Variants in NWD1 observed in about 807,000 individuals in gnomAD.
The protein encoded by NWD1 is NACHT and WD repeat domain containing 1.
A neutral mutation model predicts 135.1 loss-of-function variants in NWD1; 129 were observed. The observed-to-expected ratio is 0.96, with a 90% CI of 0.83 to 1.11. The LOEUF (loss-of-function observed/expected upper bound fraction) is 1.11, where lower values mean the gene tolerates loss of function less well. Ranked by LOEUF, NWD1 falls within the 50% of genes least tolerant of loss-of-function variation. NWD1 has a pLI of 0.00. For missense variants in NWD1, 1,740 were observed against 1,851.3 expected, an observed-to-expected ratio of 0.94 and a Z score of 1.10; for synonymous variants, 773 against 786.0, an observed-to-expected ratio of 0.98 and a Z score of 0.28.
intron 12 of NWD1, among the ~76,000 whole-genome samples, chr19:16,787,056 T>C (rs1207076402): frequency 1.3e-5 from 2 of 152,220 alleles, no homozygotes. Flanking sequence ...ATAATCCAGT[T>C]GGTCAGTTTT....
chr19:16,802,140 C>G (rs1277279869), intron 17 of NWD1, among the ~76,000 whole-genome samples: 1 of 151,686 alleles, frequency 6.6e-6, no homozygotes, highest in South Asian at 2.1e-4. Context: ...AAAAATTAGC[C>G]GGACGTGGTG....
chr19:16,764,265 C>A (rs1441129936), intron 9 of NWD1, among the ~76,000 whole-genome samples: 1 of 152,238 alleles, frequency 6.6e-6, no homozygotes, highest in Admixed American at 6.5e-5. Context: ...AGAGTGAAAA[C>A]CCCTGCCTTA....
intron 13 of NWD1, among the ~76,000 whole-genome samples, chr19:16,789,467 A>G (rs1970168346): frequency 6.6e-6 from 1 of 152,172 alleles, no homozygotes; most frequent in Non-Finnish European, 1.5e-5. Context: ...GTACTGCTTT[A>G]CCTACATCCT....
rs1568403709 is a variant in NWD1 at position 16,815,619 on chromosome 19, C to G, written c.*580C>G. The G allele has an allele frequency of 2.8e-6, 1 of 357,952 alleles. No individual in the cohort carries two copies. The highest frequency in any genetic ancestry group is 5.1e-6 in the Non-Finnish European group (1 of 195,446). 22.2% of individuals were successfully genotyped at this position (357,952 alleles called of 1,614,324 possible). A position where few individuals can be genotyped will look rare whatever the true frequency, so the allele number is the denominator to read the frequency against. On this transcript the variant is annotated 3_prime_UTR_variant, in exon 19 of 19. Transcript: ENST00000524140. Reference sequence around the variant, plus strand: ...TTTCCCAACAGTCCTAGCCTCAACTCTACTGGTCCCAATTGGCCCATACGC... The same window carrying G: ...TTTCCCAACAGTCCTAGCCTCAACTGTACTGGTCCCAATTGGCCCATACGC...
At chr19:16,723,772 T>G (rs1317747534) in intron 1 of NWD1, among the ~76,000 whole-genome samples, 1 of 152,170 alleles carries the variant, frequency 6.6e-6, no homozygotes, top group Non-Finnish European at 1.5e-5. Flanking sequence ...CTCAGCTCAC[T>G]GCAACCTCTA....
In NWD1 at chr19:16,808,194, T is replaced by C. The variant is rs1202457924; in HGVS notation, c.4287+58T>C. The C allele has an allele frequency of 9.4e-6, 14 of 1,486,704 alleles. No homozygotes were observed. The Admixed American group carries it at 1.5e-4, about 16-fold the overall frequency. The allele number at this position is 1,486,704 out of a possible 1,614,324, so 92.1% of individuals were successfully genotyped here. ...ACCCAGGCATTGGAAAACTGATAGA[T>C]AGCCATCATTTACTAAGCACACACC... On this transcript the variant is annotated intron_variant, in intron 18 of 18. Transcript: ENST00000524140.
In NWD1 at chr19:16,791,593, A is replaced by G. The variant is rs374823996; in HGVS notation, c.3184A>G (p.Thr1062Ala). Reference sequence around the variant, plus strand: ...AGTCCAGAAGCAAGGAAAGCTTGTTACCGGGTTTAGCAATGGCTCCATCTC... The same window carrying G: ...AGTCCAGAAGCAAGGAAAGCTTGTTGCCGGGTTTAGCAATGGCTCCATCTC... ...VSVQKQGKLVTGFSNGSISLV... is the reference protein window; with the variant it reads ...VSVQKQGKLVAGFSNGSISLV... The change falls in exon 14 of 19, where the codon ACC (threonine) becomes GCC (alanine). Residue 1062 changes from threonine (T) to alanine (A), a missense_variant. Transcript: ENST00000524140. 6.6e-5 allele frequency: 107 copies of G among 1,614,194 alleles called. No homozygotes were observed. In the African/African-American group the frequency reaches 1.3e-3, roughly 20 times the overall value.
chr19:16,739,483 G>A (rs1329498137), intron 4 of NWD1, among the ~76,000 whole-genome samples: 1 of 152,080 alleles, frequency 6.6e-6, no homozygotes, highest in Non-Finnish European at 1.5e-5. Context: ...AGAACCTAGG[G>A]GTGATCTCTG....
In NWD1 at chr19:16,762,079, G is replaced by A. The variant is rs773573154; in HGVS notation, c.2074G>A (p.Gly692Ser). 6.2e-7 allele frequency: 1 copy of A among 1,614,028 alleles called. No individual in the cohort carries two copies. Among genetic ancestry groups the A allele is most frequent in the South Asian group, 1.1e-5 (1 of 91,078 alleles). Residue 692 changes from glycine to serine, a missense_variant, in exon 8 of 19, where the codon GGT becomes AGT. Physicochemically the swap from Gly to Ser is moderately conservative, Grantham distance 56 (BLOSUM62 0). Coordinates refer to ENST00000524140, the MANE Select transcript of NWD1 (RefSeq NM_001007525.5). ...ADFFSGTWSQ[G>S]TKKLITLPLV... is the part of the protein sequence containing the mutation. ...CTTCTTCTCAGGGACCTGGAGCCAG[G>A]GTACCAAGAAGCTCATCACTCTGCC...
rs1341204507 is a variant in NWD1 at position 16,779,557 on chromosome 19, G to A, written c.2731+92G>A. ...CCCCACAGATTCACTTCTCTGTATT[G>A]AAACCCTGGCCTTTGTTCCTGCATC... On this transcript the variant is annotated intron_variant, in intron 12 of 18. Coordinates refer to ENST00000524140, the MANE Select transcript of NWD1 (RefSeq NM_001007525.5). The A allele has an allele frequency of 5.7e-6, 7 of 1,222,490 alleles. No homozygotes were observed. In the African/African-American group the frequency reaches 1.1e-4, roughly 18 times the overall value. 75.7% of individuals were successfully genotyped at this position (1,222,490 alleles called of 1,614,324 possible).
intron 10 of NWD1, among the ~76,000 whole-genome samples, chr19:16,766,146 T>C (rs2122910489): frequency 6.6e-6 from 1 of 152,258 alleles, no homozygotes; most frequent in South Asian, 2.1e-4. Flanking sequence ...TATTTTTTAT[T>C]GATGAAATTC....
intron 3 of NWD1, among the ~76,000 whole-genome samples, chr19:16,731,925 A>G (rs183664510): frequency 6.6e-6 from 1 of 152,064 alleles, no homozygotes; most frequent in African/African-American, 2.4e-5. Flanking sequence ...GACTATAAAA[A>G]GGCAGGTGGG....
chr19:16,759,374 A>G lies in NWD1; in HGVS notation c.1919A>G (p.Tyr640Cys), dbSNP rs1568358964. The change falls in exon 7 of 19, where the codon TAC becomes TGC. Residue 640 changes from tyrosine to cysteine, a missense_variant. Tyr to Cys is a radical substitution (Grantham distance 194). Transcript: ENST00000524140. ...GTGCGGCTTCGTCGGGATCTGGGATACTACTTGGCCCGGCGGCCCGTGGAT... is the reference window on the plus strand; with the variant it reads ...GTGCGGCTTCGTCGGGATCTGGGATGCTACTTGGCCCGGCGGCCCGTGGAT... ...LWVRLRRDLG[Y>C]YLARRPVDGF... 1.9e-6 allele frequency: 3 copies of G among 1,608,980 alleles called. No individual in the cohort carries two copies. Among genetic ancestry groups the G allele is most frequent in the South Asian group, 1.1e-5 (1 of 90,630 alleles).
chr19:16,792,539 G>A lies in NWD1; in HGVS notation c.3213+917G>A, dbSNP rs141950749. Among the ~76,000 whole-genome samples, 362 of 152,136 alleles carry A rather than the reference G, an allele frequency of 2.4e-3. 3 individuals are homozygous for A. The highest frequency in any genetic ancestry group is 4.2e-3 in the Non-Finnish European group (285 of 67,982). On this transcript the variant is annotated intron_variant, in intron 14 of 18. Coordinates refer to ENST00000524140, the MANE Select transcript of NWD1 (RefSeq NM_001007525.5). Reference sequence around the variant, plus strand: ...TAAAAAAGCATACAAAAAATTAGCCGGGCGTGGTGGTGAGCACCTGTAATC... The same window carrying A: ...TAAAAAAGCATACAAAAAATTAGCCAGGCGTGGTGGTGAGCACCTGTAATC...
chr19:16,749,874 C>T lies in NWD1; in HGVS notation c.1232C>T (p.Thr411Ile), dbSNP rs61998161. 4.6e-3 allele frequency: 7,426 copies of T among 1,613,424 alleles called. 204 individuals carry two copies. The African/African-American group carries it at 0.068, about 15-fold the overall frequency. Reference sequence around the variant, plus strand: ...CCTGCCCAGGTTCTGGACGCCCACACCAGGGTGGTCCAGTTTTTCCATACC... The same window carrying T: ...CCTGCCCAGGTTCTGGACGCCCACATCAGGGTGGTCCAGTTTTTCCATACC... ...LPPAQVLDAH[T>I]RVVQFFHTLL... The change falls in exon 6 of 19, where the codon ACC becomes ATC. Residue 411 changes from threonine (T) to isoleucine (I), a missense_variant. Physicochemically the swap from Thr to Ile is moderately conservative, Grantham distance 89. Coordinates refer to ENST00000524140, the MANE Select transcript of NWD1 (RefSeq NM_001007525.5).
At chr19:16,769,185 G>A (rs535874294) in intron 10 of NWD1, among the ~76,000 whole-genome samples, 1 of 152,236 alleles carries the variant, frequency 6.6e-6, no homozygotes, top group Admixed American at 6.6e-5. Flanking sequence ...CAGATGGCCA[G>A]GTGTGGTGGC....
intron 8 of NWD1, among the ~76,000 whole-genome samples, chr19:16,763,476 T>A (rs1157780286): frequency 6.6e-6 from 1 of 152,132 alleles, no homozygotes; most frequent in Non-Finnish European, 1.5e-5. Context: ...CTTTCACACC[T>A]CCAGACCTTT....
rs76217691 is a variant in NWD1 at position 16,810,774 on chromosome 19, T to C, written c.4287+2638T>C. Among the ~76,000 whole-genome samples the C allele has an allele frequency of 8.5e-3, 1,295 of 152,288 alleles. 7 individuals are homozygous for C. The highest frequency in any genetic ancestry group is 0.017 in the Middle Eastern group (5 of 294). On this transcript the variant is annotated intron_variant, in intron 18 of 18. Transcript: ENST00000524140. Reference sequence around the variant, plus strand: ...CAAGATTCTGTCTCTCGAGCAAAACTAACTAATAAACAAAAATGAAGAAAT... The same window carrying C: ...CAAGATTCTGTCTCTCGAGCAAAACCAACTAATAAACAAAAATGAAGAAAT...
chr19:16,797,677 G>A, intron 15 of NWD1, 55 bp from the exon 16 acceptor site: 4 of 1,522,204 alleles, frequency 2.6e-6, no homozygotes, highest in Non-Finnish European at 3.6e-6. Context: ...TGGAAGGAAT[G>A]ACCCTCAATC....
Sources: allele counts gnomAD v4.1 joint callset (sites outside exome capture counted in the v4.1 genomes callset), GRCh38; gene constraint gnomAD v4.1.1; transcripts MANE v1.5; gene names NCBI Gene and HGNC (gene_info 2026-07-23, HGNC 2026-07-21).